Variants in TAF1D observed in about 807,000 individuals in gnomAD.
TAF1D encodes the protein TATA-box binding protein associated factor, RNA polymerase I subunit D.
TAF1D carries 23 observed loss-of-function variants against 26.2 expected under a neutral mutation model. The ratio of observed to expected loss-of-function variants is 0.88; its 90% CI spans 0.63 to 1.25. TAF1D has a LOEUF of 1.25. TAF1D is among the 50% of genes most tolerant of loss of function. The probability of loss-of-function intolerance (pLI) is 0.00; values close to 1 mark genes in which losing one functional copy is unlikely to be tolerated. For synonymous variants in TAF1D, 100 were observed against 105.6 expected (o/e 0.95, Z 0.33); for missense variants, 299 against 322.0 (o/e 0.93, Z 0.55).
rs141888800 is a variant in TAF1D at position 93,735,733 on chromosome 11, A to G, written c.*428T>C. On this transcript the variant is annotated 3_prime_UTR_variant, in exon 6 of 6. Coordinates refer to ENST00000448108, the MANE Select transcript of TAF1D (RefSeq NM_024116.4). ...AAATGAGGTTATTACAATACTAAGCATCTGACAGGTCACTTGTCATGGCTG... is the reference window on the plus strand; with the variant it reads ...AAATGAGGTTATTACAATACTAAGCGTCTGACAGGTCACTTGTCATGGCTG... The G allele has an allele frequency of 9.7e-7, 1 of 1,034,946 alleles. No individual in the cohort carries two copies. Among genetic ancestry groups the G allele is most frequent in the African/African-American group, 1.7e-5 (1 of 57,608 alleles). 64.1% of individuals were successfully genotyped at this position (1,034,946 alleles called of 1,614,324 possible).
chr11:93,740,691 T>G (rs115268268), intron 1 of TAF1D, among the ~76,000 whole-genome samples: 1 of 152,074 alleles, frequency 6.6e-6, no homozygotes, highest in African/African-American at 2.4e-5. Context: ...GTCTTACTAG[T>G]TTTTTTAAGT....
rs1235850517 is a variant in TAF1D, at chr11:93,737,128, A to G, written c.571T>C (p.Phe191Leu). ...NVGEDLENED[F>L]DSRRYKFLDD... ...AAAAATTTGTATCTACGACTGTCAA[A>G]ATCTTCATTTTCTAAATCTTCACCA... The change falls in exon 4 of 6, where the codon TTT (phenylalanine) becomes CTT (leucine). Residue 191 changes from phenylalanine to leucine, a missense_variant. By Grantham distance (22) the Phe-to-Leu change is conservative (BLOSUM62 0). Coordinates refer to ENST00000448108, the MANE Select transcript of TAF1D (RefSeq NM_024116.4). 1 of 1,612,356 alleles carries G rather than the reference A, an allele frequency of 6.2e-7. No homozygotes were observed. The highest frequency in any genetic ancestry group is 1.7e-4 in the Middle Eastern group (1 of 6,054).
At chr11:93,730,971 A>T (rs1478310953), downstream of TAF1D, 2 of 504,414 alleles carry the variant, frequency 4.0e-6, no homozygotes, top group Non-Finnish European at 7.8e-6. Context: ...TTTCTATTAC[A>T]GTTAATCAAC....
rs1331639605 is a variant in TAF1D, at chr11:93,737,071, CCT to C, written c.626_627del (p.Glu209GlyfsTer7). 11 of 1,598,294 alleles carry C rather than the reference CCT, an allele frequency of 6.9e-6. No individual in the cohort carries two copies. The highest frequency in any genetic ancestry group is 9.4e-6 in the Non-Finnish European group (11 of 1,174,082). On this transcript the variant is annotated frameshift_variant, in exon 4 of 6. Transcript: ENST00000448108. LOFTEE classifies it high-confidence loss of function. ...LDDDGSISPI[E>X]ESTAEDEDAT... ...TCATATGATTCCACTTACGTTGACT[CCT>C]CAATAGGAGAAATGGATCCATCATC...
At chr11:93,738,879 G>A (rs975184128) in intron 2 of TAF1D, 2 of 305,920 alleles carry the variant, frequency 6.5e-6, no homozygotes, top group African/African-American at 2.2e-5. Context: ...CAAAAAAACT[G>A]TATCTTTCAA....
At chr11:93,738,786 C>G (rs191382252) in intron 2 of TAF1D, among the ~76,000 whole-genome samples, 1 of 152,190 alleles carries the variant, frequency 6.6e-6, no homozygotes, top group South Asian at 2.1e-4. Flanking sequence ...ACCTCAAACT[C>G]CTGGAAACTC....
downstream of TAF1D, chr11:93,732,378 T>C (rs1202597036): frequency 1.9e-6 from 1 of 518,780 alleles, no homozygotes; most frequent in Non-Finnish European, 3.8e-6. Context: ...TCAGTAGAAA[T>C]ACCAGGTTTA....
rs1591288342 is a variant in TAF1D at position 93,738,116 on chromosome 11, G to A, written c.452C>T (p.Thr151Met). ...EKNAPWRKIL[T>M]FEQAVARGFF... is the part of the protein sequence containing the mutation. ...TGTAAAATGCTGACTCACCTCAAAC[G>A]TTAAAATTTTTCTCCAAGGTGCGTT... is the stretch of plus-strand genomic sequence containing the variant. The change falls in exon 3 of 6, where the codon ACG becomes ATG. Residue 151 changes from threonine to methionine, a missense_variant. Thr to Met is a moderately conservative substitution (Grantham distance 81, BLOSUM62 -1). Coordinates refer to ENST00000448108, the MANE Select transcript of TAF1D (RefSeq NM_024116.4). 6 of 1,556,200 alleles carry A rather than the reference G, an allele frequency of 3.9e-6. No individual in the cohort carries two copies. Among genetic ancestry groups the A allele is most frequent in the South Asian group, 2.5e-5 (2 of 80,468 alleles).
intron 1 of TAF1D, 45 bp from the exon 2 acceptor site, chr11:93,739,376 A>T (rs1474994340): frequency 7.5e-7 from 1 of 1,337,394 alleles, no homozygotes. Flanking sequence ...TTCCCTAAAT[A>T]TTGACAGTAT....
At chr11:93,734,618 G>C (rs1374545400), downstream of TAF1D, 1 of 740,262 alleles carries the variant, frequency 1.4e-6, no homozygotes, top group Non-Finnish European at 2.1e-6. Flanking sequence ...CTCAAATTGA[G>C]ACATACCTTT....
downstream of TAF1D, chr11:93,735,331 A>G (rs1324761156): frequency 8.5e-7 from 1 of 1,182,936 alleles, no homozygotes; most frequent in African/African-American, 1.6e-5. Context: ...CCAGGTATAC[A>G]TGTTGAATAA....
At position 93,741,481 on chromosome 11, in the gene TAF1D, G is replaced by A. The variant is rs759884066; in HGVS notation, c.-187C>T. 8 of 456,034 alleles carry A rather than the reference G, an allele frequency of 1.8e-5. No homozygotes were observed. Among genetic ancestry groups the A allele is most frequent in the African/African-American group, 1.4e-4 (7 of 50,064 alleles). The allele number at this position is 456,034 out of a possible 1,614,324, so 28.2% of individuals were successfully genotyped here. ...GATAACCAGCCGACCTCCTCCAACCGTGCGGAAGAAAAGGGTTGGCTATTT... is the reference window on the plus strand; with the variant it reads ...GATAACCAGCCGACCTCCTCCAACCATGCGGAAGAAAAGGGTTGGCTATTT... On this transcript the variant is annotated 5_prime_UTR_variant, in exon 1 of 6. In the 5' UTR this introduces an upstream ATG that the reference lacks. Coordinates refer to ENST00000448108, the MANE Select transcript of TAF1D (RefSeq NM_024116.4).
In TAF1D at chr11:93,736,760, T is replaced by C. The variant is rs1940878028; in HGVS notation, c.636-9A>G. ...CATCCTCATCCTCTGCTCTGTAATATTAAAATTTATCATCGAGATGACAGA... is the reference window on the plus strand; with the variant it reads ...CATCCTCATCCTCTGCTCTGTAATACTAAAATTTATCATCGAGATGACAGA... On this transcript the variant is annotated splice_polypyrimidine_tract_variant and intron_variant, in intron 4 of 5. Transcript: ENST00000448108. 1.9e-6 allele frequency: 3 copies of C among 1,604,654 alleles called. No homozygotes were observed. The highest frequency in any genetic ancestry group is 8.5e-7 in the Non-Finnish European group (1 of 1,177,134).
intron 2 of TAF1D, 140 bp downstream of exon 2, chr11:93,739,097 T>G: frequency 1.6e-6 from 1 of 626,908 alleles, no homozygotes; most frequent in Non-Finnish European, 2.8e-6. Flanking sequence ...TATCAATCTA[T>G]GTAACTAGAT....
Position 93,735,717 on chromosome 11 carries a change from TATTAC to T in TAF1D, c.*439_*443del. The T allele has an allele frequency of 9.9e-7, 1 of 1,014,784 alleles. No homozygotes were observed. The highest frequency in any genetic ancestry group is 1.2e-6 in the Non-Finnish European group (1 of 848,110). The allele number at this position is 1,014,784 out of a possible 1,614,324, so 62.9% of individuals were successfully genotyped here. A position where few individuals can be genotyped will look rare whatever the true frequency, so the allele number is the denominator to read the frequency against. Reference sequence around the variant, plus strand: ...CTAAATTTGGAAAGGGAAATGAGGTTATTACAATACTAAGCATCTGACAGGTCACT... The same window carrying T: ...CTAAATTTGGAAAGGGAAATGAGGTTAATACTAAGCATCTGACAGGTCACT... On this transcript the variant is annotated 3_prime_UTR_variant, in exon 6 of 6. Coordinates refer to ENST00000448108, the MANE Select transcript of TAF1D (RefSeq NM_024116.4).
At chr11:93,731,515 G>T (rs1175097646), downstream of TAF1D, 2 of 518,702 alleles carry the variant, frequency 3.9e-6, no homozygotes, top group East Asian at 1.1e-4. Context: ...TGTTCAGAAA[G>T]GCCATTTTCA....
At chr11:93,730,594 A>G, downstream of TAF1D, 1 of 589,954 alleles carries the variant, frequency 1.7e-6, no homozygotes, top group South Asian at 1.4e-5. Flanking sequence ...CTTTGGTCAC[A>G]GCGTTAAGAG....
At chr11:93,736,376 T>C in intron 5 of TAF1D, 72 bp from the exon 6 acceptor site, 1 of 1,484,438 alleles carries the variant, frequency 6.7e-7, no homozygotes, top group Non-Finnish European at 8.9e-7. Context: ...TATAGCTGAA[T>C]GCCCTGGATT....
At chr11:93,733,630 G>A (rs1442919153), downstream of TAF1D, 3 of 502,810 alleles carry the variant, frequency 6.0e-6, no homozygotes, top group Non-Finnish European at 1.2e-5. Context: ...TTTTTTTAAA[G>A]ACACAGGATC....
Sources: gnomAD v4.1 joint callset for allele counts (sites outside exome capture counted in the v4.1 genomes callset) on GRCh38, gnomAD v4.1.1 for gene constraint, MANE v1.5 for transcripts, NCBI Gene and HGNC (gene_info 2026-07-23, HGNC 2026-07-21) for gene names.